Variants in GALNT6 observed in about 807,000 individuals in gnomAD.
GALNT6 encodes the protein polypeptide N-acetylgalactosaminyltransferase 6.
A neutral mutation model predicts 65.9 loss-of-function variants in GALNT6; 51 were observed. The observed-to-expected ratio is 0.77, with a 90% CI of 0.62 to 0.98. The LOEUF (loss-of-function observed/expected upper bound fraction) is 0.98. GALNT6 is among the 50% of genes least tolerant of loss of function. The pLI, the probability that GALNT6 is intolerant of heterozygous loss-of-function variation, is 0.00. For synonymous variants in GALNT6, 323 were observed against 315.1 expected (o/e 1.02, Z -0.26); for missense variants, 708 against 803.3 (o/e 0.88, Z 1.43).
chr12:51,356,536 A>AT (rs922621690), intron 10 of GALNT6, among the ~76,000 whole-genome samples: 2 of 148,896 alleles, frequency 1.3e-5, no homozygotes, highest in Non-Finnish European at 3.0e-5. Context: ...TTTTTTAAAA[A>AT]TTTTTTATAG....
intron 3 of GALNT6, among the ~76,000 whole-genome samples, chr12:51,378,909 G>C (rs1156455300): frequency 3.6e-5 from 5 of 140,122 alleles, no homozygotes; most frequent in Non-Finnish European, 7.5e-5. Context: ...CTCAGCATTA[G>C]AGTCCCACAG....
At chr12:51,358,913 A>G (rs545777888) in intron 8 of GALNT6, among the ~76,000 whole-genome samples, 119 of 152,164 alleles carry the variant, frequency 7.8e-4, no homozygotes, top group South Asian at 5.0e-3. Flanking sequence ...TCCCCTCCAA[A>G]GGGATGCAGA....
chr12:51,385,445 T>G (rs1947803230), intron 2 of GALNT6, among the ~76,000 whole-genome samples: 1 of 152,224 alleles, frequency 6.6e-6, no homozygotes, highest in African/African-American at 2.4e-5. Flanking sequence ...GTTTTTATGG[T>G]TTGCAGAATT....
rs767406837 is a variant in GALNT6, at chr12:51,379,375, C to G, written c.407G>C (p.Gly136Ala). The G allele has an allele frequency of 1.3e-6, 2 of 1,582,312 alleles. No homozygotes were observed. Among genetic ancestry groups the G allele is most frequent in the Non-Finnish European group, 8.6e-7 (1 of 1,166,818 alleles). ...GGCATTGAAACAGTGCTTCTTATAGCCTTCTTCCTTTTCCTGGGTCTCCAG... is the reference window on the plus strand; with the variant it reads ...GGCATTGAAACAGTGCTTCTTATAGGCTTCTTCCTTTTCCTGGGTCTCCAG... ...TPLETQEKEEGYKKHCFNAFA... is the reference protein window; with the variant it reads ...TPLETQEKEEAYKKHCFNAFA... The change falls in exon 3 of 12, where the codon GGC (glycine) becomes GCC (alanine). Residue 136 changes from glycine to alanine, a missense_variant. Coordinates refer to ENST00000356317, the MANE Select transcript of GALNT6 (RefSeq NM_007210.4).
Position 51,379,327 on chromosome 12 carries a change from AG to A in GALNT6, c.454del (p.Leu152CysfsTer30). The A allele has an allele frequency of 6.5e-7, 1 of 1,531,470 alleles. No individual in the cohort carries two copies. Among genetic ancestry groups the A allele is most frequent in the East Asian group, 2.3e-5 (1 of 44,310 alleles). The allele number at this position is 1,531,470 out of a possible 1,614,324, so 94.9% of individuals were successfully genotyped here. ...GGTGTCTGGCCCCAGGGACCTCTGC[AG>A]GGAGATCCGGTCGCTGGCAAAGGCA... Reference protein sequence around the residue: ...FNAFASDRISLQRSLGPDTRP... With the variant: ...FNAFASDRISXQRSLGPDTRP... On this transcript the variant is annotated frameshift_variant, in exon 3 of 12. Transcript: ENST00000356317. LOFTEE classifies it high-confidence loss of function.
chr12:51,362,717 C>T (rs1237775712), intron 6 of GALNT6, among the ~76,000 whole-genome samples: 1 of 152,140 alleles, frequency 6.6e-6, no homozygotes, highest in Non-Finnish European at 1.5e-5. Context: ...TGGAAAGTTC[C>T]AATTTCTTTT....
At chr12:51,363,759 T>C (rs1351875341) in intron 6 of GALNT6, among the ~76,000 whole-genome samples, 1 of 152,190 alleles carries the variant, frequency 6.6e-6, no homozygotes, top group Admixed American at 6.5e-5. Flanking sequence ...CCACTCCTTT[T>C]ATGTGTAGGG....
Position 51,379,409 on chromosome 12 carries a change from A to T in GALNT6, c.373T>A (p.Trp125Arg). 6.2e-7 allele frequency: 1 copy of T among 1,608,936 alleles called. No individual in the cohort carries two copies. Among genetic ancestry groups the T allele is most frequent in the Non-Finnish European group, 8.5e-7 (1 of 1,177,524 alleles). The part of the protein sequence containing the change: ...ADGKAFQKSK[W>R]TPLETQEKEE... ...TTTTCCTGGGTCTCCAGGGGGGTCCACTTGCTCTTCTGAAATGCTTTTCCA... is the reference window on the plus strand; with the variant it reads ...TTTTCCTGGGTCTCCAGGGGGGTCCTCTTGCTCTTCTGAAATGCTTTTCCA... Residue 125 changes from tryptophan (W) to arginine (R), a missense_variant, in exon 3 of 12, where the codon TGG becomes AGG. By Grantham distance (101) the Trp-to-Arg change is moderately radical (BLOSUM62 -3). Coordinates refer to ENST00000356317, the MANE Select transcript of GALNT6 (RefSeq NM_007210.4).
rs2137506186 is a variant in GALNT6 at position 51,353,090 on chromosome 12, G to T, written c.*1289C>A. ...GCGTTCTTGTGGTGCAGCGGAAGGA[G>T]CCCTGGCTCAGCATTGAAGAACGAG... On this transcript the variant is annotated 3_prime_UTR_variant, in exon 12 of 12. Coordinates refer to ENST00000356317, the MANE Select transcript of GALNT6 (RefSeq NM_007210.4). 6.6e-6 allele frequency: 1 copy of T among 152,386 alleles called. No homozygotes were observed. Among genetic ancestry groups the T allele is most frequent in the Admixed American group, 6.5e-5 (1 of 15,294 alleles). 9.4% of individuals were successfully genotyped at this position (152,386 alleles called of 1,614,324 possible). A position where few individuals can be genotyped will look rare whatever the true frequency, so the allele number is the denominator to read the frequency against.
intron 2 of GALNT6, among the ~76,000 whole-genome samples, chr12:51,385,211 A>T (rs1001461469): frequency 3.3e-5 from 5 of 152,006 alleles, no homozygotes; most frequent in Non-Finnish European, 7.4e-5. Context: ...CTGGTCTTCA[A>T]CTCCTAGGCC....
In GALNT6 at chr12:51,379,370, T is replaced by A. The variant is rs1050820126; in HGVS notation, c.412A>T (p.Lys138Ter). 2 of 1,575,654 alleles carry A rather than the reference T, an allele frequency of 1.3e-6. No homozygotes were observed. Among genetic ancestry groups the A allele is most frequent in the Non-Finnish European group, 8.6e-7 (1 of 1,164,136 alleles). ...GCAAAGGCATTGAAACAGTGCTTCT[T>A]ATAGCCTTCTTCCTTTTCCTGGGTC... ...LETQEKEEGY[K>*]KHCFNAFASD... is the part of the protein sequence containing the mutation. The change falls in exon 3 of 12, where the codon AAG becomes TAG. Residue 138 changes from lysine to a stop codon, truncating the protein, a stop_gained. Coordinates refer to ENST00000356317, the MANE Select transcript of GALNT6 (RefSeq NM_007210.4). LOFTEE classifies it high-confidence loss of function.
At chr12:51,375,251 T>G (rs1206451478) in intron 4 of GALNT6, among the ~76,000 whole-genome samples, 1 of 152,126 alleles carries the variant, frequency 6.6e-6, no homozygotes, top group Admixed American at 6.6e-5. Context: ...AACAAACACA[T>G]TCATGTCTTT....
At chr12:51,365,261 T>A (rs1565718812) in intron 5 of GALNT6, among the ~76,000 whole-genome samples, 169 bp downstream of exon 5, 1 of 152,124 alleles carries the variant, frequency 6.6e-6, no homozygotes, top group Non-Finnish European at 1.5e-5. Context: ...TGATGAAACA[T>A]CCTTGGGATT....
chr12:51,355,530 C>T (rs1684492429), intron 11 of GALNT6, among the ~76,000 whole-genome samples: 1 of 152,136 alleles, frequency 6.6e-6, no homozygotes, highest in Admixed American at 6.5e-5. Context: ...ACTGCAATGG[C>T]ACGACCTCAG....
intron 2 of GALNT6, among the ~76,000 whole-genome samples, chr12:51,386,301 T>C (rs945659261): frequency 6.6e-6 from 1 of 152,190 alleles, no homozygotes; most frequent in African/African-American, 2.4e-5. Flanking sequence ...ACCACACTCA[T>C]ACCCGTGGAG....
chr12:51,381,507 T>C (rs1187330018), intron 2 of GALNT6, among the ~76,000 whole-genome samples: 1 of 152,214 alleles, frequency 6.6e-6, no homozygotes, highest in Non-Finnish European at 1.5e-5. Context: ...CTTCCTCTTC[T>C]AGTAGTAGCA....
chr12:51,387,842 C>G lies in GALNT6; in HGVS notation c.-104+3008G>C, dbSNP rs185257485. On this transcript the variant is annotated intron_variant, in intron 2 of 11. Transcript: ENST00000356317. The surrounding 1 kb of genome is among the most constrained non-coding windows in gnomAD (Gnocchi z 4.2). Reference sequence around the variant, plus strand: ...AAGACAGGAGGGGTATTCCCGAAGGCCTCTTGGGCCAGTCTTCAAATTGGG... The same window carrying G: ...AAGACAGGAGGGGTATTCCCGAAGGGCTCTTGGGCCAGTCTTCAAATTGGG... 9.2e-5 allele frequency among the ~76,000 whole-genome samples: 14 copies of G among 152,148 alleles called. No homozygotes were observed. The highest frequency in any genetic ancestry group is 3.1e-4 in the African/African-American group (13 of 41,490).
chr12:51,361,700 C>T (rs566931132), intron 6 of GALNT6, among the ~76,000 whole-genome samples: 5 of 152,246 alleles, frequency 3.3e-5, no homozygotes, highest in South Asian at 4.1e-4. Context: ...GGTATCGAAG[C>T]GGACCCGGGG....
Position 51,359,112 on chromosome 12 carries a change from C to T in GALNT6, c.1368+20G>A, listed in dbSNP as rs182892365. The T allele has an allele frequency of 3.7e-5, 59 of 1,600,536 alleles. No homozygotes were observed. In the Admixed American group the frequency reaches 5.7e-4, roughly 15 times the overall value. On this transcript the variant is annotated intron_variant, in intron 8 of 11. Coordinates refer to ENST00000356317, the MANE Select transcript of GALNT6 (RefSeq NM_007210.4). ...GTACTTCTCTTCATCTAAACCTCTC[C>T]GAGAACCATTTCCTCTCACCTCTTG...
Sources: gnomAD v4.1 joint callset for allele counts (sites outside exome capture counted in the v4.1 genomes callset) on GRCh38, gnomAD v4.1.1 for gene constraint, Gnocchi (gnomAD v3.1) non-coding constraint, MANE v1.5 for transcripts, NCBI Gene and HGNC (gene_info 2026-07-23, HGNC 2026-07-21) for gene names.